The following AS3MT variants were observed in gnomAD, a reference collection of about 807,000 sequenced individuals.
AS3MT encodes the protein S-adenosyl-L-methionine:arsenic(III) methyltransferase.
Under a neutral mutation model 45.3 loss-of-function variants are expected in AS3MT, and 47 were observed. That is an observed-to-expected ratio of 1.04 (90% CI 0.82 to 1.32). The LOEUF (loss-of-function observed/expected upper bound fraction) is 1.32. Ranked by LOEUF, AS3MT falls within the 40% of genes most tolerant of loss-of-function variation. The pLI, the probability that AS3MT is intolerant of heterozygous loss-of-function variation, is 0.00. For missense variants in AS3MT, 396 were observed against 451.1 expected, an observed-to-expected ratio of 0.88 and a Z score of 1.11; for synonymous variants, 141 against 152.8, an observed-to-expected ratio of 0.92 and a Z score of 0.57.
At chr10:102,892,689 G>A (rs1448261384) in intron 10 of AS3MT, among the ~76,000 whole-genome samples, 1 of 151,934 alleles carries the variant, frequency 6.6e-6, no homozygotes, top group Non-Finnish European at 1.5e-5. Context: ...TAAAATTTTA[G>A]AACAGGCCAG....
At position 102,869,850 on chromosome 10, in the gene AS3MT, G is replaced by C. The variant is rs1453566334; in HGVS notation, c.42+5G>C. ...GAGATACAGAAGGACGTGCAGGTGA[G>C]AGCTGTAGGGCCTGGAATGGCCCAA... On this transcript the variant is annotated splice_donor_5th_base_variant and intron_variant, in intron 2 of 10. Coordinates refer to ENST00000369880, the MANE Select transcript of AS3MT (RefSeq NM_020682.4). 3.1e-6 allele frequency: 5 copies of C among 1,613,766 alleles called. No individual in the cohort carries two copies. In the African/African-American group the frequency reaches 6.7e-5, roughly 22 times the overall value.
rs189089546 is a variant in AS3MT at position 102,892,827 on chromosome 10, T to C, written c.1020+2149T>C. 7.4e-4 allele frequency among the ~76,000 whole-genome samples: 112 copies of C among 151,718 alleles called. 1 individual carries two copies. Among genetic ancestry groups the C allele is most frequent in the African/African-American group, 2.6e-3 (109 of 41,390 alleles). On this transcript the variant is annotated intron_variant, in intron 10 of 10. Transcript: ENST00000369880. ...CCCATCTCTACTAAAATACAAAAAA[T>C]AAATTAGATGGGCATGGTGGCGTGC...
chr10:102,888,873 ATATATATATT>A (rs1297806759), intron 9 of AS3MT, among the ~76,000 whole-genome samples: 7 of 62,318 alleles, frequency 1.1e-4, no homozygotes, highest in African/African-American at 3.5e-4. Context: ...ATATATATAT[ATATATATATT>A]TTTTTTTTTT....
intron 9 of AS3MT, among the ~76,000 whole-genome samples, chr10:102,880,515 AC>A (rs913686407): frequency 1.3e-5 from 2 of 152,174 alleles, no homozygotes; most frequent in Non-Finnish European, 2.9e-5. Context: ...CAGTTTTTCA[AC>A]ATTAGAATTT....
intron 9 of AS3MT, among the ~76,000 whole-genome samples, chr10:102,885,274 G>C (rs534256614): frequency 6.6e-6 from 1 of 151,914 alleles, no homozygotes; most frequent in Non-Finnish European, 1.5e-5. Context: ...TTAACATAAT[G>C]ACCTGCAGTT....
chr10:102,874,608 A>G lies in AS3MT; in HGVS notation c.475A>G (p.Asn159Asp), dbSNP rs1176256031. 6.2e-7 allele frequency: 1 copy of G among 1,607,766 alleles called. No individual in the cohort carries two copies. Among genetic ancestry groups the G allele is most frequent in the South Asian group, 1.1e-5 (1 of 89,868 alleles). ...HDIVVSNCVI[N>D]LVPDKQQVLQ... The stretch of plus-strand genomic sequence containing the variant: ...CTCTTTTAGATCAAACTGTGTTATT[A>G]ACCTTGTGCCTGATAAACAACAAGT... The change falls in exon 6 of 11, where the codon AAC becomes GAC. Residue 159 changes from asparagine (N) to aspartate (D), a missense_variant. By Grantham distance (23) the Asn-to-Asp change is conservative (BLOSUM62 1). Transcript: ENST00000369880.
chr10:102,892,784 T>G (rs1329318954), intron 10 of AS3MT, among the ~76,000 whole-genome samples: 2 of 152,018 alleles, frequency 1.3e-5, no homozygotes, highest in Non-Finnish European at 2.9e-5. Flanking sequence ...AAGACCAGCC[T>G]GGGCAACATG....
At chr10:102,894,763 C>T (rs1330829145) in intron 10 of AS3MT, among the ~76,000 whole-genome samples, 1 of 152,236 alleles carries the variant, frequency 6.6e-6, no homozygotes, top group African/African-American at 2.4e-5. Context: ...AATCTCTTAT[C>T]ATAACCTAGA....
Position 102,870,189 on chromosome 10 carries a change from G to A in AS3MT, c.148G>A (p.Val50Ile), listed in dbSNP as rs752948206. The A allele has an allele frequency of 7.4e-6, 12 of 1,614,080 alleles. No individual in the cohort carries two copies. The highest frequency in any genetic ancestry group is 2.5e-6 in the Non-Finnish European group (3 of 1,180,048). ...GCACATCCGGGAAGCCTTGCAAAAT[G>A]TACACGAAGAAGTAGCCCTAAGGTA... ...PKHIREALQN[V>I]HEEVALRYYG... is the part of the protein sequence containing the mutation. The change falls in exon 3 of 11, where the codon GTA becomes ATA. Residue 50 changes from valine (V) to isoleucine (I), a missense_variant. Coordinates refer to ENST00000369880, the MANE Select transcript of AS3MT (RefSeq NM_020682.4).
Position 102,869,485 on chromosome 10 carries a change from G to C in AS3MT, c.-108G>C, listed in dbSNP as rs541953314. 9.8e-6 allele frequency: 15 copies of C among 1,532,204 alleles called. No homozygotes were observed. The highest frequency in any genetic ancestry group is 1.2e-5 in the Non-Finnish European group (14 of 1,147,178). 94.9% of individuals were successfully genotyped at this position (1,532,204 alleles called of 1,614,324 possible). A position where few individuals can be genotyped will look rare whatever the true frequency, so the allele number is the denominator to read the frequency against. ...GGGCCTCGGCACAGGAGCTGGCTGC[G>C]GGAGCCCGCCGTCCTGAGTCGCAGG... On this transcript the variant is annotated 5_prime_UTR_variant, in exon 1 of 11. Transcript: ENST00000369880.
intron 10 of AS3MT, among the ~76,000 whole-genome samples, chr10:102,895,432 A>G (rs973433911): frequency 2.6e-5 from 4 of 151,956 alleles, no homozygotes; most frequent in African/African-American, 7.2e-5. Flanking sequence ...AACTCCTGAC[A>G]TCAGATGATC....
At chr10:102,883,579 G>A (rs570422664) in intron 9 of AS3MT, among the ~76,000 whole-genome samples, 25 of 152,106 alleles carry the variant, frequency 1.6e-4, no homozygotes, top group African/African-American at 6.0e-4. Context: ...CGGGCGTGGT[G>A]GCGTGTGCCT....
At chr10:102,897,268 C>T (rs1845190099) in intron 10 of AS3MT, among the ~76,000 whole-genome samples, 2 of 151,334 alleles carry the variant, frequency 1.3e-5, no homozygotes, top group Admixed American at 6.6e-5. Flanking sequence ...CCTGTAGTCC[C>T]AGCTACTCGG....
At chr10:102,871,756 C>CAAAACAAAAA (rs1844692993) in intron 3 of AS3MT, among the ~76,000 whole-genome samples, 1 of 148,878 alleles carries the variant, frequency 6.7e-6, no homozygotes, top group African/African-American at 2.4e-5. Flanking sequence ...CAAAACAAAA[C>CAAAACAAAAA]AAATCAAAAC....
At chr10:102,869,891 A>G in intron 2 of AS3MT, 46 bp downstream of exon 2, 1 of 1,611,050 alleles carries the variant, frequency 6.2e-7, no homozygotes, top group Non-Finnish European at 8.5e-7. Context: ...GCCTAGGCTA[A>G]TGGAAGTCTG....
intron 8 of AS3MT, 122 bp from the exon 9 acceptor site, chr10:102,878,727 A>G (rs1201725362): frequency 7.3e-7 from 1 of 1,376,384 alleles, no homozygotes; most frequent in African/African-American, 1.5e-5. Flanking sequence ...AGTGCTCAGA[A>G]AGATAACTGA....
intron 10 of AS3MT, among the ~76,000 whole-genome samples, chr10:102,894,165 C>A (rs570909713): frequency 8.5e-4 from 130 of 152,170 alleles, no homozygotes; most frequent in African/African-American, 2.5e-3. Context: ...GTGGCTCACA[C>A]CTGTAATCCC....
In AS3MT at chr10:102,894,735, T is replaced by C. The variant is rs367552988; in HGVS notation, c.1020+4057T>C. On this transcript the variant is annotated intron_variant, in intron 10 of 10. Transcript: ENST00000369880. ...CTGCCTAGAGGCTTCATCTGCATGA[T>C]AAAACCTTGGTCTCCACAATCTCTT... 6.8e-4 allele frequency among the ~76,000 whole-genome samples: 103 copies of C among 152,338 alleles called. 1 individual carries two copies. The highest frequency in any genetic ancestry group is 2.2e-3 in the African/African-American group (91 of 41,580).
chr10:102,890,796 C>T lies in AS3MT; in HGVS notation c.1020+118C>T, dbSNP rs545252021. On this transcript the variant is annotated intron_variant, in intron 10 of 10. Coordinates refer to ENST00000369880, the MANE Select transcript of AS3MT (RefSeq NM_020682.4). The stretch of plus-strand genomic sequence containing the variant: ...TGTGATCTTGGCTCACTGCAACCTC[C>T]GCCTCCTGGGTTCAAGCAATTCTCC... 682 of 926,012 alleles carry T rather than the reference C, an allele frequency of 7.4e-4. 3 individuals carry two copies. Among genetic ancestry groups the T allele is most frequent in the Admixed American group, 2.4e-3 (78 of 33,172 alleles). The allele number at this position is 926,012 out of a possible 1,614,324, so 57.4% of individuals were successfully genotyped here.
Sources: gnomAD v4.1 joint callset for allele counts (sites outside exome capture counted in the v4.1 genomes callset) on GRCh38, gnomAD v4.1.1 for gene constraint, MANE v1.5 for transcripts, NCBI Gene and HGNC (gene_info 2026-07-23, HGNC 2026-07-21) for gene names.